TMEM163: variants seen among roughly 807,000 people sequenced by gnomAD.
TMEM163 encodes transmembrane protein 163.
Under a neutral mutation model 29.3 loss-of-function variants are expected in TMEM163, and 17 were observed. The ratio of observed to expected loss-of-function variants is 0.58; its 90% CI spans 0.40 to 0.87. The LOEUF (loss-of-function observed/expected upper bound fraction) is 0.87, where lower values mean the gene tolerates loss of function less well. Ranked by LOEUF, TMEM163 falls within the 40% of genes least tolerant of loss-of-function variation. The pLI is 0.00. For synonymous variants in TMEM163, 157 were observed against 160.6 expected, an observed-to-expected ratio of 0.98 and a Z score of 0.17; for missense variants, 303 against 381.5, an observed-to-expected ratio of 0.79 and a Z score of 1.71.
intron 5 of TMEM163, chr2:134,467,642 A>C (rs1486001336): frequency 1.3e-5 from 2 of 152,212 alleles, no homozygotes; most frequent in African/African-American, 4.8e-5. Context: ...CTGGAGACTT[A>C]AGGAGATGTG....
At chr2:134,588,956 G>A (rs773238155) in intron 2 of TMEM163, among the ~76,000 whole-genome samples, 1 of 152,090 alleles carries the variant, frequency 6.6e-6, no homozygotes, top group Non-Finnish European at 1.5e-5. Context: ...GTAGGAAATG[G>A]GGGACATTTC....
chr2:134,664,679 G>A (rs1248779964), intron 2 of TMEM163, among the ~76,000 whole-genome samples: 2 of 152,144 alleles, frequency 1.3e-5, no homozygotes, highest in African/African-American at 4.8e-5. Context: ...AGAGATTGCA[G>A]TCGTGTGGTC....
chr2:134,579,328 T>A (rs1296590583), intron 2 of TMEM163, among the ~76,000 whole-genome samples: 1 of 152,210 alleles, frequency 6.6e-6, no homozygotes, highest in Non-Finnish European at 1.5e-5. Flanking sequence ...CAAAATAAAA[T>A]GGATTTAAAA....
chr2:134,511,341 C>T (rs976984184), intron 4 of TMEM163, among the ~76,000 whole-genome samples: 13 of 152,174 alleles, frequency 8.5e-5, no homozygotes, highest in African/African-American at 1.2e-4. Context: ...CCTACGGCAA[C>T]GAGGCCAACG....
intron 2 of TMEM163, among the ~76,000 whole-genome samples, chr2:134,597,664 G>A (rs1355374245): frequency 6.6e-6 from 1 of 152,156 alleles, no homozygotes; most frequent in Non-Finnish European, 1.5e-5. Flanking sequence ...TTTTTCTATT[G>A]ATTGGAATAG....
intron 2 of TMEM163, among the ~76,000 whole-genome samples, chr2:134,618,419 CAG>C (rs1367404710): frequency 2.0e-5 from 3 of 151,978 alleles, no homozygotes; most frequent in African/African-American, 7.2e-5. Flanking sequence ...TCAAAACTAA[CAG>C]AATTAAAAAG....
In TMEM163 at chr2:134,650,734, C is replaced by G. The variant is rs1683456045; in HGVS notation, c.322+62466G>C. 7.1e-5 allele frequency among the ~76,000 whole-genome samples: 9 copies of G among 127,556 alleles called. No individual in the cohort carries two copies. In the South Asian group the frequency reaches 2.5e-3, roughly 36 times the overall value. The allele number at this position is 127,556 out of a possible 152,430, so 83.7% of individuals were successfully genotyped here. ...ACAGTCCCCAGAGTGTGATATTCCC[C>G]TTCCTGTGTCCATGTGATCTCATTG... is the stretch of plus-strand genomic sequence containing the variant. On this transcript the variant is annotated intron_variant, in intron 2 of 7. Coordinates refer to ENST00000281924, the MANE Select transcript of TMEM163 (RefSeq NM_030923.5).
intron 2 of TMEM163, among the ~76,000 whole-genome samples, chr2:134,579,621 G>T (rs17732597): frequency 0.079 from 12,040 of 152,138 alleles, 588 homozygotes; most frequent in Middle Eastern, 0.16. Flanking sequence ...AATGAACAGG[G>T]TGAATGCTCT....
At chr2:134,585,470 G>A (rs1348370240) in intron 2 of TMEM163, among the ~76,000 whole-genome samples, 2 of 152,210 alleles carry the variant, frequency 1.3e-5, no homozygotes, top group African/African-American at 4.8e-5. Context: ...ATGGCCGAGT[G>A]GGGTGGCTCA....
chr2:134,559,983 C>A (rs1267395889), intron 2 of TMEM163, among the ~76,000 whole-genome samples: 1 of 152,090 alleles, frequency 6.6e-6, no homozygotes, highest in Non-Finnish European at 1.5e-5. Flanking sequence ...CTTCTGCGGC[C>A]CACACCTGCT....
intron 4 of TMEM163, among the ~76,000 whole-genome samples, chr2:134,534,709 G>A (rs935341523): frequency 1.3e-5 from 2 of 151,910 alleles, no homozygotes; most frequent in Non-Finnish European, 2.9e-5. Context: ...AACCGAGATC[G>A]CACCTCTGCA....
chr2:134,546,643 CAAAAAAA>C (rs58851155), intron 4 of TMEM163, among the ~76,000 whole-genome samples: 4 of 84,358 alleles, frequency 4.7e-5, no homozygotes, highest in Admixed American at 4.1e-4. Context: ...GGCTCCATCT[CAAAAAAA>C]AAAAAAAAAA....
intron 2 of TMEM163, among the ~76,000 whole-genome samples, chr2:134,668,631 A>C (rs1683921842): frequency 6.6e-6 from 1 of 151,928 alleles, no homozygotes; most frequent in Non-Finnish European, 1.5e-5. Context: ...GTCTCAAAAA[A>C]AAAAAAAAGA....
At chr2:134,547,285 T>C (rs1005468385) in intron 4 of TMEM163, among the ~76,000 whole-genome samples, 1 of 152,198 alleles carries the variant, frequency 6.6e-6, no homozygotes, top group Non-Finnish European at 1.5e-5. Context: ...CTGGTGGTGC[T>C]GAAACCAAAC....
In TMEM163 at chr2:134,631,378, T is replaced by G. The variant is rs1008692411; in HGVS notation, c.323-79287A>C. ...TTGTTTTTGTACTGTAATGACATTTTTGAACATTCTTTGCTGGGGGGCCTT... is the reference window on the plus strand; with the variant it reads ...TTGTTTTTGTACTGTAATGACATTTGTGAACATTCTTTGCTGGGGGGCCTT... On this transcript the variant is annotated intron_variant, in intron 2 of 7. Transcript: ENST00000281924. Among the ~76,000 whole-genome samples, 27 of 152,242 alleles carry G rather than the reference T, an allele frequency of 1.8e-4. 1 individual carries two copies. Among genetic ancestry groups the G allele is most frequent in the Admixed American group, 1.8e-3 (27 of 15,282 alleles).
chr2:134,690,601 A>G (rs1191380547), intron 2 of TMEM163, among the ~76,000 whole-genome samples: 1 of 152,208 alleles, frequency 6.6e-6, no homozygotes, highest in African/African-American at 2.4e-5. Context: ...GCAATTTATA[A>G]AGGAGAAAAG....
chr2:134,474,456 T>A (rs1285325724), intron 5 of TMEM163, among the ~76,000 whole-genome samples: 1 of 151,894 alleles, frequency 6.6e-6, no homozygotes, highest in Non-Finnish European at 1.5e-5. Context: ...AAAAAATGAA[T>A]GTTACTCCTA....
intron 4 of TMEM163, among the ~76,000 whole-genome samples, chr2:134,519,834 G>A (rs1303961399): frequency 2.0e-5 from 3 of 149,538 alleles, no homozygotes; most frequent in Non-Finnish European, 3.0e-5. Flanking sequence ...AGGCAGGAGT[G>A]AGCCGAGATG....
intron 2 of TMEM163, among the ~76,000 whole-genome samples, chr2:134,554,300 C>A (rs1680998478): frequency 6.6e-6 from 1 of 151,802 alleles, no homozygotes; most frequent in Non-Finnish European, 1.5e-5. Flanking sequence ...GTGGCGTGTG[C>A]CTGTAGTCCC....
Sources: allele counts gnomAD v4.1 joint callset (sites outside exome capture counted in the v4.1 genomes callset), GRCh38; gene constraint gnomAD v4.1.1; transcripts MANE v1.5; gene names NCBI Gene and HGNC (gene_info 2026-07-23, HGNC 2026-07-21).